Variants in UACA observed in about 807,000 individuals in gnomAD.
UACA encodes nuclear membrane binding protein.
UACA carries 112 observed loss-of-function variants against 160.5 expected under a neutral mutation model. The observed-to-expected ratio is 0.70, with a 90% CI of 0.60 to 0.82. The LOEUF (loss-of-function observed/expected upper bound fraction) is 0.82. Among genes scored for constraint, UACA ranks in the 40% least tolerant of loss-of-function variants. UACA has a pLI of 0.00. For missense variants in UACA, 1,574 were observed against 1,614.6 expected, an observed-to-expected ratio of 0.97 and a Z score of 0.43; for synonymous variants, 557 against 568.4, an observed-to-expected ratio of 0.98 and a Z score of 0.29.
chr15:70,707,602 C>T (rs558219893), intron 1 of UACA, among the ~76,000 whole-genome samples: 2 of 151,560 alleles, frequency 1.3e-5, no homozygotes, highest in East Asian at 3.9e-4. Context: ...TTAAAATGGG[C>T]AAAGGACTTG....
At chr15:70,771,013 ACT>A in the UACA span, among the ~76,000 whole-genome samples, 1 of 152,184 alleles carries the variant, frequency 6.6e-6, no homozygotes, top group Non-Finnish European at 1.5e-5. Flanking sequence ...TTGCTCATAA[ACT>A]CTTACAGCCA....
At chr15:70,706,150 C>T (rs886289193) in intron 1 of UACA, among the ~76,000 whole-genome samples, 7 of 152,032 alleles carry the variant, frequency 4.6e-5, no homozygotes, top group African/African-American at 1.7e-4. Context: ...TAATATACCA[C>T]CTTAATAGAA....
At chr15:70,766,928 C>A (rs1026884633), upstream of UACA, among the ~76,000 whole-genome samples, 4 of 152,122 alleles carry the variant, frequency 2.6e-5, no homozygotes, top group South Asian at 2.1e-4. Context: ...AATATGATTT[C>A]TCAGAAGAAG....
intron 1 of UACA, chr15:70,749,144 C>T (rs557902036): frequency 2.3e-5 from 9 of 390,326 alleles, no homozygotes; most frequent in Non-Finnish European, 3.6e-5. Context: ...TGTTAACTTT[C>T]GGATCTAAGT....
At chr15:70,690,212 G>C (rs1897881084) in intron 5 of UACA, among the ~76,000 whole-genome samples, 1 of 151,702 alleles carries the variant, frequency 6.6e-6, no homozygotes, top group Non-Finnish European at 1.5e-5. Context: ...TTGTGAGCAG[G>C]ATTATAGTTT....
rs1411960274 is a variant in UACA, at chr15:70,687,533, G to T, written c.602+7C>A. 6.2e-7 allele frequency: 1 copy of T among 1,613,114 alleles called. No homozygotes were observed. The highest frequency in any genetic ancestry group is 8.5e-7 in the Non-Finnish European group (1 of 1,179,216). On this transcript the variant is annotated splice_region_variant and intron_variant, in intron 7 of 18. Transcript: ENST00000322954. ...CTGGTATCTGGGAGCCATGATAAAA[G>T]AATTACCTGTTTTGTTTGTCTCTGG...
At chr15:70,729,639 C>T (rs1261574679) in intron 1 of UACA, among the ~76,000 whole-genome samples, 1 of 124,206 alleles carries the variant, frequency 8.1e-6, no homozygotes, top group Non-Finnish European at 1.6e-5. Flanking sequence ...AAATTCTCAA[C>T]AAGAAAAAGC....
chr15:70,682,704 G>T, intron 9 of UACA, 54 bp downstream of exon 9: 1 of 1,109,414 alleles, frequency 9.0e-7, no homozygotes, highest in Non-Finnish European at 1.2e-6. Context: ...GTTTTACTAA[G>T]CACTTTAAAC....
intron 18 of UACA, among the ~76,000 whole-genome samples, chr15:70,659,667 T>C (rs1338767116): frequency 1.3e-5 from 2 of 152,050 alleles, no homozygotes; most frequent in Non-Finnish European, 2.9e-5. Flanking sequence ...AGGGAATTCA[T>C]ACTGTTATTC....
At chr15:70,754,065 C>T (rs1251252609) in intron 1 of UACA, 2 of 454,088 alleles carry the variant, frequency 4.4e-6, no homozygotes, top group African/African-American at 4.0e-5. Flanking sequence ...CTCGGCCTTC[C>T]AAAGTGTTGG....
At chr15:70,764,922 C>T (rs2030966456), upstream of UACA, among the ~76,000 whole-genome samples, 1 of 152,160 alleles carries the variant, frequency 6.6e-6, no homozygotes, top group African/African-American at 2.4e-5. Context: ...ATTACAGAAG[C>T]TTCCCAGCCA....
chr15:70,730,124 A>G (rs1340752909), intron 1 of UACA, among the ~76,000 whole-genome samples: 1 of 9,290 alleles, frequency 1.1e-4, no homozygotes, highest in Non-Finnish European at 2.2e-4. Context: ...CACCAGCAAC[A>G]GAACAAAGCT....
chr15:70,696,748 T>C (rs1898142396), intron 2 of UACA, among the ~76,000 whole-genome samples: 1 of 152,202 alleles, frequency 6.6e-6, no homozygotes, highest in Non-Finnish European at 1.5e-5. Flanking sequence ...TAGAACCTTT[T>C]GAAGAATGCT....
intron 1 of UACA, among the ~76,000 whole-genome samples, chr15:70,760,565 T>C (rs772846174): frequency 1.3e-5 from 2 of 151,920 alleles, no homozygotes; most frequent in Non-Finnish European, 2.9e-5. Flanking sequence ...TCCCAGCACT[T>C]TGGGAGGCCG....
chr15:70,689,017 C>T (rs1042708632), intron 5 of UACA, among the ~76,000 whole-genome samples: 1 of 152,090 alleles, frequency 6.6e-6, no homozygotes, highest in African/African-American at 2.4e-5. Context: ...TAAATATAGC[C>T]AATTGATTTT....
intron 9 of UACA, chr15:70,680,062 G>A (rs1030277395): frequency 3.9e-5 from 6 of 151,958 alleles, no homozygotes; most frequent in African/African-American, 1.5e-4. Context: ...AAGAGGAAGG[G>A]GAAGTCACAT....
intron 13 of UACA, among the ~76,000 whole-genome samples, chr15:70,674,697 A>C (rs1379916378): frequency 6.6e-6 from 1 of 152,076 alleles, no homozygotes; most frequent in African/African-American, 2.4e-5. Flanking sequence ...TCCCAGATTC[A>C]AGCAATTCTC....
intron 5 of UACA, among the ~76,000 whole-genome samples, chr15:70,688,063 C>G (rs1897793862): frequency 6.6e-6 from 1 of 152,160 alleles, no homozygotes; most frequent in African/African-American, 2.4e-5. Flanking sequence ...GACAAGAACA[C>G]ACTACTATTC....
intron 1 of UACA, among the ~76,000 whole-genome samples, chr15:70,745,446 GAA>G (rs71152312): frequency 0.11 from 14,339 of 129,414 alleles, 728 homozygotes; most frequent in South Asian, 0.15. Flanking sequence ...AAAAGAAAAA[GAA>G]AAAAAAAAAA....
Sources: gnomAD v4.1 joint callset for allele counts (sites outside exome capture counted in the v4.1 genomes callset) on GRCh38, gnomAD v4.1.1 for gene constraint, MANE v1.5 for transcripts, NCBI Gene and HGNC (gene_info 2026-07-23, HGNC 2026-07-21) for gene names.